The following NOTCH2 variants were observed in gnomAD, a reference collection of about 807,000 sequenced individuals.
NOTCH2 encodes the protein neurogenic locus notch homolog protein 2.
In NOTCH2, 29 loss-of-function variants were observed where a neutral mutation model predicts 235.8. The observed-to-expected ratio is 0.12, with a 90% CI of 0.09 to 0.17. The LOEUF is 0.17. Among genes scored for constraint, NOTCH2 ranks in the 10% least tolerant of loss-of-function variants. NOTCH2 has a pLI of 1.00. For missense variants in NOTCH2, 2,285 were observed against 3,150.2 expected (o/e 0.73, Z 6.57); for synonymous variants, 1,086 against 1,141.5 (o/e 0.95, Z 0.98).
At chr1:119,933,633 G>A (rs587746751) in intron 22 of NOTCH2, among the ~76,000 whole-genome samples, 1 of 152,160 alleles carries the variant, frequency 6.6e-6, no homozygotes, top group Non-Finnish European at 1.5e-5. Flanking sequence ...TATATTCAAA[G>A]TGCTGAAAGA....
chr1:119,984,447 G>A (rs1651935301), intron 5 of NOTCH2, among the ~76,000 whole-genome samples: 1 of 152,102 alleles, frequency 6.6e-6, no homozygotes, highest in Admixed American at 6.6e-5. Flanking sequence ...TACAGTTATT[G>A]CAAAGATTAC....
At chr1:119,955,977 A>G (rs1355946040) in intron 12 of NOTCH2, among the ~76,000 whole-genome samples, 2 of 152,222 alleles carry the variant, frequency 1.3e-5, no homozygotes, top group African/African-American at 2.4e-5. Context: ...CTAGCAAACC[A>G]TATTTTTTTA....
chr1:120,033,850 A>G (rs1440200341), intron 1 of NOTCH2, among the ~76,000 whole-genome samples: 2 of 152,178 alleles, frequency 1.3e-5, no homozygotes, highest in Non-Finnish European at 2.9e-5. Context: ...ATTGTTCTAC[A>G]TTGTATTAGC....
intron 17 of NOTCH2, among the ~76,000 whole-genome samples, chr1:119,947,214 T>C (rs927969543): frequency 6.6e-5 from 10 of 152,122 alleles, no homozygotes; most frequent in African/African-American, 2.4e-4. Context: ...ATTTTCCTCT[T>C]CAAAAGAAAA....
chr1:120,008,599 ATAAT>A (rs1265188268), intron 2 of NOTCH2, among the ~76,000 whole-genome samples: 6 of 119,706 alleles, frequency 5.0e-5, no homozygotes, highest in Non-Finnish European at 1.1e-4. Context: ...GCCTGCAAAA[ATAAT>A]TACTCTCTGG....
Position 119,959,386 on chromosome 1 carries a change from C to A in NOTCH2, c.2026+6G>T, listed in dbSNP as rs587731563. The A allele has an allele frequency of 3.7e-4, 567 of 1,531,570 alleles. 19 individuals are homozygous for A. In the South Asian group the frequency reaches 6.0e-3, roughly 16 times the overall value. 94.9% of individuals were successfully genotyped at this position (1,531,570 alleles called of 1,614,324 possible). On this transcript the variant is annotated splice_donor_region_variant and intron_variant, in intron 12 of 33. Transcript: ENST00000256646. ...AGGAGGGGCCTTGCAGTAAAAGGAGCTTTACCTGTGAATCCTGGTGAGCAG... is the reference window on the plus strand; with the variant it reads ...AGGAGGGGCCTTGCAGTAAAAGGAGATTTACCTGTGAATCCTGGTGAGCAG...
chr1:119,968,102 T>C lies in NOTCH2; in HGVS notation c.1239A>G (p.Thr413=). The change falls in exon 7 of 34, where the codon ACA becomes ACG. Residue 413 remains threonine (T), a synonymous_variant. Transcript: ENST00000256646. ...CCATGGCACATTCATCCACATCTTC[T>C]GTGCAGTCAGCCCCTTTGTAGCCTT... ...CPQGYKGADC[T]EDVDECAMAN... The C allele has an allele frequency of 6.2e-7, 1 of 1,614,134 alleles. No homozygotes were observed. Among genetic ancestry groups the C allele is most frequent in the Non-Finnish European group, 8.5e-7 (1 of 1,179,968 alleles).
intron 22 of NOTCH2, among the ~76,000 whole-genome samples, chr1:119,931,555 C>A (rs2493389): frequency 1.3e-5 from 2 of 151,824 alleles, no homozygotes; most frequent in East Asian, 1.9e-4. Context: ...TGAAATAGAA[C>A]GTTATTGGTG....
intron 12 of NOTCH2, among the ~76,000 whole-genome samples, chr1:119,957,419 A>G (rs1326145973): frequency 6.6e-6 from 1 of 152,248 alleles, no homozygotes; most frequent in East Asian, 1.9e-4. Flanking sequence ...AAAAGGTTCT[A>G]AGAGAACAGA....
intron 5 of NOTCH2, among the ~76,000 whole-genome samples, chr1:119,979,570 T>G (rs1186422632): frequency 2.0e-5 from 3 of 152,144 alleles, no homozygotes; most frequent in African/African-American, 4.8e-5. Context: ...TGAAATAAAA[T>G]TATTCAAAGA....
chr1:119,948,312 C>T, intron 17 of NOTCH2, 102 bp downstream of exon 17: 1 of 1,252,910 alleles, frequency 8.0e-7, no homozygotes, highest in Non-Finnish European at 1.2e-6. Context: ...ACCGGTATGC[C>T]CAATGTCAGG....
At chr1:119,925,855 C>T in intron 24 of NOTCH2, 45 bp from the exon 25 acceptor site, 1 of 1,609,858 alleles carries the variant, frequency 6.2e-7, no homozygotes, top group African/African-American at 1.3e-5. Context: ...GGTAGGAAAA[C>T]AGTCATATTG....
At chr1:119,978,731 A>ACTT (rs1651694466) in intron 5 of NOTCH2, among the ~76,000 whole-genome samples, 1 of 151,812 alleles carries the variant, frequency 6.6e-6, no homozygotes, top group South Asian at 2.1e-4. Flanking sequence ...GGCTCTCCCC[A>ACTT]CCTTAGGCTG....
At position 119,921,691 on chromosome 1, in the gene NOTCH2, G is replaced by T. The variant is rs1331009222; in HGVS notation, c.5310+22C>A. 6 of 1,593,528 alleles carry T rather than the reference G, an allele frequency of 3.8e-6. No homozygotes were observed. The African/African-American group carries it at 5.4e-5, about 14-fold the overall frequency. ...TAACCAGATAATGGCTGACAATGGT[G>T]GTTCTACCATGGCCACCTCACCTTT... On this transcript the variant is annotated intron_variant, in intron 29 of 33. Coordinates refer to ENST00000256646, the MANE Select transcript of NOTCH2 (RefSeq NM_024408.4).
At position 119,920,280 on chromosome 1, in the gene NOTCH2, G is replaced by A. The variant is rs746550861; in HGVS notation, c.5428C>T (p.Pro1810Ser). Residue 1810 changes from proline to serine, a missense_variant, in exon 30 of 34, where the codon CCT (proline) becomes TCT (serine). Pro to Ser is a moderately conservative substitution (Grantham distance 74). Transcript: ENST00000256646. ...RRTPSLALTP[P>S]QAEQEVDVLD... is the part of the protein sequence containing the mutation. ...ACATCCACCTCCTGCTCTGCCTGAG[G>A]AGGGGTGAGAGCCAGCGATGGTGTC... The A allele has an allele frequency of 6.2e-7, 1 of 1,614,194 alleles. No individual in the cohort carries two copies. The highest frequency in any genetic ancestry group is 1.1e-5 in the South Asian group (1 of 91,070).
intron 4 of NOTCH2, among the ~76,000 whole-genome samples, chr1:119,987,845 C>T (rs1359929657): frequency 2.0e-5 from 3 of 152,128 alleles, no homozygotes; most frequent in Non-Finnish European, 4.4e-5. Context: ...TACAGCATTG[C>T]TTCCTTCCTC....
At chr1:119,987,173 C>T (rs1200274533) in intron 4 of NOTCH2, 91 bp from the exon 5 acceptor site, 5 of 1,494,318 alleles carry the variant, frequency 3.3e-6, no homozygotes, top group African/African-American at 1.4e-5. Flanking sequence ...TTAGAATAGA[C>T]CCGCTTCATG....
intron 23 of NOTCH2, among the ~76,000 whole-genome samples, chr1:119,928,617 C>A (rs973281212): frequency 2.6e-5 from 4 of 152,186 alleles, no homozygotes; most frequent in Non-Finnish European, 5.9e-5. Context: ...CTGAACTGTA[C>A]ACTGTACACT....
chr1:119,930,589 C>A (rs1217447647), intron 22 of NOTCH2, among the ~76,000 whole-genome samples: 1 of 149,264 alleles, frequency 6.7e-6, no homozygotes, highest in Non-Finnish European at 1.5e-5. Context: ...GACCAATCTG[C>A]CCAACACAGT....
Sources: gnomAD v4.1 joint callset for allele counts (sites outside exome capture counted in the v4.1 genomes callset) on GRCh38, gnomAD v4.1.1 for gene constraint, MANE v1.5 for transcripts, NCBI Gene and HGNC (gene_info 2026-07-23, HGNC 2026-07-21) for gene names.